ZFYVE26: variants seen among roughly 807,000 people sequenced by gnomAD.
ZFYVE26 encodes the protein zinc finger FYVE-type containing 26.
In ZFYVE26, 181 loss-of-function variants were observed where a neutral mutation model predicts 276.5. The observed-to-expected ratio is 0.65, with a 90% confidence interval of 0.58 to 0.74. ZFYVE26 has a LOEUF of 0.74. ZFYVE26 is among the 30% of genes least tolerant of loss of function. The pLI is 0.00. For missense variants in ZFYVE26, 2,821 were observed against 3,097.9 expected (o/e 0.91, Z 2.12); for synonymous variants, 1,129 against 1,203.1 (o/e 0.94, Z 1.27).
chr14:67,801,982 C>T (rs576676306), intron 10 of ZFYVE26, 97 bp downstream of exon 10: 3 of 1,385,252 alleles, frequency 2.2e-6, no homozygotes, highest in Non-Finnish European at 3.1e-6. Flanking sequence ...AGGCCATCAC[C>T]CCACTCCCAA....
intron 35 of ZFYVE26, among the ~76,000 whole-genome samples, chr14:67,756,943 G>C: frequency 6.6e-6 from 1 of 152,166 alleles, no homozygotes. Flanking sequence ...CTTGAAACCT[G>C]CTCTTTCCAC....
At chr14:67,770,018 T>G (rs2072254479) in intron 28 of ZFYVE26, 1 of 467,236 alleles carries the variant, frequency 2.1e-6, no homozygotes, top group Admixed American at 3.3e-5. Flanking sequence ...GAAAAAGTAG[T>G]GGAGAAGAAG....
intron 23 of ZFYVE26, among the ~76,000 whole-genome samples, chr14:67,779,626 G>A (rs561939021): frequency 6.6e-6 from 1 of 152,144 alleles, no homozygotes; most frequent in Non-Finnish European, 1.5e-5. Context: ...TGGGAACTGC[G>A]AGTGGGAGTG....
downstream of ZFYVE26, among the ~76,000 whole-genome samples, chr14:67,742,838 CTTTTTT>C (rs71446342): frequency 2.3e-4 from 21 of 89,756 alleles, no homozygotes; most frequent in Middle Eastern, 5.3e-3. Context: ...TCTTCTTCTT[CTTTTTT>C]TTTTTTTTTT....
At chr14:67,757,688 CTCTT>C (rs2038821368) in intron 35 of ZFYVE26, among the ~76,000 whole-genome samples, 1 of 122,224 alleles carries the variant, frequency 8.2e-6, no homozygotes, top group African/African-American at 3.2e-5. Context: ...CTTTCTCTCT[CTCTT>C]TCCTTTCTTT....
chr14:67,775,936 G>A lies in ZFYVE26; in HGVS notation c.5145C>T (p.Asp1715=), dbSNP rs371086321. The A allele has an allele frequency of 5.6e-6, 9 of 1,614,180 alleles. No individual in the cohort carries two copies. The highest frequency in any genetic ancestry group is 4.5e-5 in the East Asian group (2 of 44,888). ...LVGQEIGFTM[D]EVDSLLSRYA... is the part of the protein sequence containing the mutation. ...ATCTGGAAAGCAGTGAGTCCACCTC[G>A]TCCATAGTGAAGCCAATCTCCTGTC... is the stretch of plus-strand genomic sequence containing the variant. Residue 1715 remains aspartate (D), a synonymous_variant, in exon 26 of 42, where the codon GAC becomes GAT. Transcript: ENST00000347230.
At chr14:67,782,718 T>C in intron 21 of ZFYVE26, 62 bp downstream of exon 21, 11 of 1,605,084 alleles carry the variant, frequency 6.9e-6, no homozygotes, top group Admixed American at 1.7e-5. Flanking sequence ...AATGTGATAA[T>C]ATACCCAGTG....
intron 10 of ZFYVE26, among the ~76,000 whole-genome samples, chr14:67,800,805 T>C (rs2040060827): frequency 2.6e-5 from 4 of 152,182 alleles, no homozygotes; most frequent in Non-Finnish European, 4.4e-5. Flanking sequence ...AGTTTGTGGC[T>C]ACAAATAGGT....
chr14:67,773,498 C>T (rs1271558731), intron 27 of ZFYVE26, among the ~76,000 whole-genome samples: 3 of 145,438 alleles, frequency 2.1e-5, no homozygotes, highest in Non-Finnish European at 4.5e-5. Context: ...GGCACCACTG[C>T]ACTCTAGCCT....
intron 34 of ZFYVE26, 87 bp from the exon 35 acceptor site, chr14:67,761,671 C>T: frequency 8.7e-7 from 1 of 1,152,480 alleles, no homozygotes; most frequent in Non-Finnish European, 1.3e-6. Context: ...GAATATTTAA[C>T]AATGTGCACA....
At chr14:67,742,233 A>G (rs1248179311), downstream of ZFYVE26, among the ~76,000 whole-genome samples, 2 of 152,218 alleles carry the variant, frequency 1.3e-5, no homozygotes, top group Admixed American at 1.3e-4. Flanking sequence ...AGAGGTTACC[A>G]GGGACTGTGA....
At chr14:67,806,735 C>G (rs1200693271) in intron 5 of ZFYVE26, 60 bp from the exon 6 acceptor site, 6 of 1,602,438 alleles carry the variant, frequency 3.7e-6, no homozygotes, top group African/African-American at 1.3e-5. Flanking sequence ...TAAGCTAGAG[C>G]CCATTTGAAC....
In ZFYVE26 at chr14:67,793,677, C is replaced by T; in HGVS notation, c.2484G>A (p.Met828Ile). The change falls in exon 14 of 42, where the codon ATG becomes ATA. Residue 828 changes from methionine (M) to isoleucine (I), a missense_variant. Transcript: ENST00000347230. ...GCAGTGACTCAGGTGGGGAGAACAT[C>T]ATGGGGATGAGTGAACTTTGAGGAT... is the stretch of plus-strand genomic sequence containing the variant. ...HPHPQSSLIP[M>I]MFSPPESLLA... is the part of the protein sequence containing the mutation. The T allele has an allele frequency of 1.9e-6, 3 of 1,613,872 alleles. No individual in the cohort carries two copies. Among genetic ancestry groups the T allele is most frequent in the Non-Finnish European group, 2.5e-6 (3 of 1,179,886 alleles).
At chr14:67,750,029 T>C (rs2038594129) in intron 41 of ZFYVE26, among the ~76,000 whole-genome samples, 1 of 152,206 alleles carries the variant, frequency 6.6e-6, no homozygotes, top group South Asian at 2.1e-4. Context: ...AGCGTGTCTT[T>C]CCCAGAAATA....
At position 67,729,811 on chromosome 14, in the gene ZFYVE26, T is replaced by C. The variant is rs1286273449; in HGVS notation, n.2688A>G. 6.2e-6 allele frequency: 3 copies of C among 487,228 alleles called. No homozygotes were observed. The Admixed American group carries it at 6.5e-5, about 10-fold the overall frequency. 30.2% of individuals were successfully genotyped at this position (487,228 alleles called of 1,614,324 possible). A position where few individuals can be genotyped will look rare whatever the true frequency, so the allele number is the denominator to read the frequency against. ...CTCTGTCCCTCAATGCTGCCAAGAT[T>C]GGCACTATCTGTTGAAATATAGAAG... On this transcript the variant is annotated non_coding_transcript_exon_variant, in exon 14 of 15. Transcript: ENST00000394455.
chr14:67,784,976 T>A (rs2039609673), intron 19 of ZFYVE26, 83 bp downstream of exon 19: 1 of 1,433,652 alleles, frequency 7.0e-7, no homozygotes. Context: ...ATCCAGAGCC[T>A]TTCAATTGTG....
chr14:67,754,245 A>C lies in ZFYVE26; in HGVS notation c.6987-33T>G, dbSNP rs572997854. 1.3e-4 allele frequency: 216 copies of C among 1,613,942 alleles called. 1 individual carries two copies. In the South Asian group the frequency reaches 2.2e-3, roughly 17 times the overall value. Reference sequence around the variant, plus strand: ...GACAGAATATGCACAGTCCAGCCTCATGAGGGGCCCCAGGTGACTGAGGCC... The same window carrying C: ...GACAGAATATGCACAGTCCAGCCTCCTGAGGGGCCCCAGGTGACTGAGGCC... On this transcript the variant is annotated intron_variant, in intron 37 of 41. Coordinates refer to ENST00000347230, the MANE Select transcript of ZFYVE26 (RefSeq NM_015346.4).
intron 27 of ZFYVE26, among the ~76,000 whole-genome samples, chr14:67,773,572 C>CA (rs71129860): frequency 2.7e-5 from 4 of 147,102 alleles, no homozygotes; most frequent in Non-Finnish European, 6.1e-5. Flanking sequence ...CACACACACA[C>CA]CCCAAAGCTG....
downstream of ZFYVE26, among the ~76,000 whole-genome samples, chr14:67,744,285 G>A (rs1046961877): frequency 8.5e-5 from 13 of 152,274 alleles, no homozygotes; most frequent in Non-Finnish European, 1.8e-4. Flanking sequence ...TAGAGTGGGT[G>A]TTCCAACTTT....
Sources: allele counts gnomAD v4.1 joint callset (sites outside exome capture counted in the v4.1 genomes callset), GRCh38; gene constraint gnomAD v4.1.1; transcripts MANE v1.5; gene names NCBI Gene and HGNC (gene_info 2026-07-23, HGNC 2026-07-21).